COL19A1: variants seen among roughly 807,000 people sequenced by gnomAD.
COL19A1 encodes the protein collagen alpha-1(XIX) chain.
A neutral mutation model predicts 190.2 loss-of-function variants in COL19A1; 159 were observed. The ratio of observed to expected loss-of-function variants is 0.84; its 90% CI spans 0.73 to 0.95. The LOEUF (loss-of-function observed/expected upper bound fraction) is 0.95. Ranked by LOEUF, COL19A1 falls within the 40% of genes least tolerant of loss-of-function variation. The pLI, the probability that COL19A1 is intolerant of heterozygous loss-of-function variation, is 0.00. For missense variants in COL19A1, 1,418 were observed against 1,431.9 expected (o/e 0.99, Z 0.16); for synonymous variants, 509 against 458.9 (o/e 1.11, Z -1.39).
At chr6:69,941,133 G>T (rs549294913) in intron 9 of COL19A1, among the ~76,000 whole-genome samples, 1 of 152,222 alleles carries the variant, frequency 6.6e-6, no homozygotes, top group Non-Finnish European at 1.5e-5. Flanking sequence ...TTTTCTTTTT[G>T]ATCTGTAAGC....
In COL19A1 at chr6:70,059,830, A is replaced by T. The variant is rs541227919; in HGVS notation, c.1171-8593A>T. The T allele has an allele frequency of 9.8e-6, 5 of 510,972 alleles. 1 individual carries two copies. In the Admixed American group the frequency reaches 1.1e-4, roughly 11 times the overall value. The allele number at this position is 510,972 out of a possible 1,614,324, so 31.7% of individuals were successfully genotyped here. On this transcript the variant is annotated intron_variant, in intron 14 of 50. Coordinates refer to ENST00000620364, the MANE Select transcript of COL19A1 (RefSeq NM_001858.6). ...ATCTGTATGTGTGCAAAATTTTAGA[A>T]ATAACTCAATTTACAGTTATTTTTA...
chr6:69,957,376 G>T (rs551044935), intron 9 of COL19A1, among the ~76,000 whole-genome samples: 217 of 152,148 alleles, frequency 1.4e-3, no homozygotes, highest in African/African-American at 5.0e-3. Flanking sequence ...GGTACTTTTT[G>T]ATTGTCCTGT....
At chr6:70,016,730 G>T (rs1778131534) in intron 11 of COL19A1, among the ~76,000 whole-genome samples, 1 of 151,656 alleles carries the variant, frequency 6.6e-6, no homozygotes, top group African/African-American at 2.4e-5. Flanking sequence ...TTAAATAGAT[G>T]ATTCTTCAAA....
At chr6:69,892,201 T>C (rs1163043862) in intron 2 of COL19A1, among the ~76,000 whole-genome samples, 1 of 152,218 alleles carries the variant, frequency 6.6e-6, no homozygotes, top group African/African-American at 2.4e-5. Context: ...CCCAACTGCC[T>C]GGCAGGATTT....
intron 11 of COL19A1, among the ~76,000 whole-genome samples, chr6:69,981,275 AC>A (rs1474799549): frequency 6.6e-6 from 1 of 152,194 alleles, no homozygotes; most frequent in Non-Finnish European, 1.5e-5. Flanking sequence ...ACAAGAAAAC[AC>A]CTGAATACAT....
intron 9 of COL19A1, among the ~76,000 whole-genome samples, chr6:69,953,977 T>C (rs1774269202): frequency 6.6e-6 from 1 of 152,016 alleles, no homozygotes; most frequent in South Asian, 2.1e-4. Context: ...TATTAGAGTT[T>C]CCTTAAAGTG....
chr6:69,947,945 G>A (rs892289973), intron 9 of COL19A1, among the ~76,000 whole-genome samples: 1 of 151,748 alleles, frequency 6.6e-6, no homozygotes, highest in African/African-American at 2.4e-5. Flanking sequence ...CTATCTTCTT[G>A]TATAAGCTTA....
At chr6:70,131,624 C>T (rs957369865) in intron 18 of COL19A1, among the ~76,000 whole-genome samples, 5 of 151,970 alleles carry the variant, frequency 3.3e-5, no homozygotes, top group East Asian at 1.9e-4. Context: ...CCATAACCAA[C>T]GCATTACATT....
At chr6:69,957,719 A>T (rs577958795) in intron 9 of COL19A1, among the ~76,000 whole-genome samples, 91 of 152,278 alleles carry the variant, frequency 6.0e-4, no homozygotes, top group South Asian at 1.0e-3. Flanking sequence ...AGGCAGCAGG[A>T]GTTCAGAAAA....
At chr6:69,949,718 A>G (rs916028263) in intron 9 of COL19A1, among the ~76,000 whole-genome samples, 2 of 151,888 alleles carry the variant, frequency 1.3e-5, no homozygotes, top group South Asian at 2.1e-4. Flanking sequence ...AAATATGTGC[A>G]TCTTCCAGAG....
intron 15 of COL19A1, among the ~76,000 whole-genome samples, chr6:70,074,448 G>A (rs1460452636): frequency 3.6e-5 from 5 of 139,610 alleles, no homozygotes; most frequent in African/African-American, 1.1e-4. Flanking sequence ...GCAGTGAGCC[G>A]AGATTGTGCC....
rs78770762 is a variant in COL19A1 at position 70,029,442 on chromosome 6, G to A, written c.1081-4803G>A. Among the ~76,000 whole-genome samples the A allele has an allele frequency of 1.3e-4, 20 of 152,160 alleles. No homozygotes were observed. In the East Asian group the frequency reaches 1.4e-3, roughly 10 times the overall value. The stretch of plus-strand genomic sequence containing the variant: ...CTACTGTGCTTTTGGGAATCTTTAT[G>A]TACATGAATTTGATTGAAAACCTTC... On this transcript the variant is annotated intron_variant, in intron 12 of 50. Coordinates refer to ENST00000620364, the MANE Select transcript of COL19A1 (RefSeq NM_001858.6).
At chr6:70,144,670 G>C (rs1364027454) in intron 24 of COL19A1, among the ~76,000 whole-genome samples, 2 of 152,074 alleles carry the variant, frequency 1.3e-5, no homozygotes. Flanking sequence ...GCCCTTTTGT[G>C]CATACACATG....
In COL19A1 at chr6:70,068,325, G is replaced by C. The variant is rs1781364119; in HGVS notation, c.1171-98G>C. 4.8e-6 allele frequency: 4 copies of C among 839,484 alleles called. No individual in the cohort carries two copies. The East Asian group carries it at 9.9e-5, about 21-fold the overall frequency. The allele number at this position is 839,484 out of a possible 1,614,324, so 52.0% of individuals were successfully genotyped here. The stretch of plus-strand genomic sequence containing the variant: ...AGAGCTCAAATTACTTTAAAAGTTT[G>C]TTTTAATCAACAAAATAATTATTAA... On this transcript the variant is annotated intron_variant, in intron 14 of 50. Transcript: ENST00000620364.
intron 15 of COL19A1, among the ~76,000 whole-genome samples, chr6:70,091,727 A>G (rs1782938033): frequency 6.6e-6 from 1 of 151,686 alleles, no homozygotes; most frequent in Non-Finnish European, 1.5e-5. Context: ...GAACAGAGAA[A>G]AAGTCAAAGA....
At chr6:70,150,085 G>A (rs774078338) in intron 30 of COL19A1, 40 bp downstream of exon 30, 15 of 1,603,346 alleles carry the variant, frequency 9.4e-6, no homozygotes, top group Admixed American at 3.3e-5. Context: ...TATCTTAAAT[G>A]CACCCAGAAG....
At chr6:70,200,247 G>T (rs1767466926) in intron 49 of COL19A1, among the ~76,000 whole-genome samples, 1 of 152,160 alleles carries the variant, frequency 6.6e-6, no homozygotes, top group Non-Finnish European at 1.5e-5. Context: ...TAACTTGAAT[G>T]TTAAAGAATT....
rs761794315 is a variant in COL19A1, at chr6:69,900,265, C to T, written c.193C>T (p.Leu65=). The T allele has an allele frequency of 1.3e-6, 2 of 1,594,682 alleles. No homozygotes were observed. The highest frequency in any genetic ancestry group is 2.3e-5 in the South Asian group (2 of 86,856). Residue 65 remains leucine, a synonymous_variant, in exon 4 of 51, where the codon CTA becomes TTA. Coordinates refer to ENST00000620364, the MANE Select transcript of COL19A1 (RefSeq NM_001858.6). The part of the protein sequence containing the change: ...SGFDLGDSFS[L]RRAFCESDKT... ...TTTTGATCTAGGAGACAGCTTTTCT[C>T]TAAGACGTGCATTTTGTGAAAGTGA...
At chr6:70,096,981 T>C (rs912236172) in intron 15 of COL19A1, among the ~76,000 whole-genome samples, 1 of 152,154 alleles carries the variant, frequency 6.6e-6, no homozygotes, top group Non-Finnish European at 1.5e-5. Flanking sequence ...AATACATGTT[T>C]CATTTGTGGG....
Sources: allele counts gnomAD v4.1 joint callset (sites outside exome capture counted in the v4.1 genomes callset), GRCh38; gene constraint gnomAD v4.1.1; transcripts MANE v1.5; gene names NCBI Gene and HGNC (gene_info 2026-07-23, HGNC 2026-07-21).